The following ELAVL1 variants were observed in gnomAD, a reference collection of about 807,000 sequenced individuals.
ELAVL1 encodes the protein ELAV like RNA binding protein 1.
A neutral mutation model predicts 28.4 loss-of-function variants in ELAVL1; 1 was observed. The ratio of observed to expected loss-of-function variants is 0.04; its 90% CI spans 0.01 to 0.17. ELAVL1 has a LOEUF of 0.17. ELAVL1 is among the 10% of genes least tolerant of loss of function. ELAVL1 has a pLI of 1.00. For missense variants in ELAVL1, 157 were observed against 447.2 expected (o/e 0.35, Z 5.85); for synonymous variants, 174 against 183.5 (o/e 0.95, Z 0.42).
rs1985397031 is a variant in ELAVL1, at chr19:7,979,639, C to T, written c.276+1444G>A. Among the ~76,000 whole-genome samples, 1 of 152,188 alleles carries T rather than the reference C, an allele frequency of 6.6e-6. No homozygotes were observed. Among genetic ancestry groups the T allele is most frequent in the South Asian group, 2.1e-4 (1 of 4,830 alleles). On this transcript the variant is annotated intron_variant, in intron 3 of 5. Coordinates refer to ENST00000407627, the MANE Select transcript of ELAVL1 (RefSeq NM_001419.3). The surrounding 1 kb of genome is among the most constrained non-coding windows in gnomAD (Gnocchi z 5.4). ...AGGGCTGCCCCTGCTCAGGTGGAAT[C>T]CCATGGCGCTTGGCTGCCCTCACCA...
chr19:7,997,986 T>C (rs1472342256), intron 1 of ELAVL1, among the ~76,000 whole-genome samples: 1 of 152,048 alleles, frequency 6.6e-6, no homozygotes, highest in Admixed American at 6.6e-5. Context: ...AAATAAATTT[T>C]AAAAGGTTTA....
chr19:7,989,204 G>A (rs1449615113), intron 2 of ELAVL1, among the ~76,000 whole-genome samples: 6 of 152,176 alleles, frequency 3.9e-5, no homozygotes, highest in Non-Finnish European at 7.4e-5. Context: ...CCCTGCCAGC[G>A]AAGAGGTTTG....
intron 4 of ELAVL1, among the ~76,000 whole-genome samples, chr19:7,971,698 G>A (rs1467499255): frequency 3.3e-5 from 5 of 152,228 alleles, no homozygotes; most frequent in Non-Finnish European, 5.9e-5. Flanking sequence ...GTGCCAGGGC[G>A]CGAGTCTGTG....
rs1160261683 is a variant in ELAVL1, at chr19:7,973,560, T to A, written c.430+165A>T. 3.6e-6 allele frequency: 3 copies of A among 826,842 alleles called. No homozygotes were observed. The African/African-American group carries it at 5.2e-5, about 14-fold the overall frequency. The allele number at this position is 826,842 out of a possible 1,614,324, so 51.2% of individuals were successfully genotyped here. A position where few individuals can be genotyped will look rare whatever the true frequency, so the allele number is the denominator to read the frequency against. On this transcript the variant is annotated intron_variant, in intron 4 of 5. Transcript: ENST00000407627. The stretch of plus-strand genomic sequence containing the variant: ...CAGCTTCTTTTAATGCCATCTTACC[T>A]CCTCAGCCTCCTCAAACCAAAGCCA...
intron 2 of ELAVL1, among the ~76,000 whole-genome samples, chr19:7,990,323 T>C (rs1358911450): frequency 6.8e-6 from 1 of 147,852 alleles, no homozygotes; most frequent in African/African-American, 2.5e-5. Flanking sequence ...TGCCCAGCAT[T>C]CAACTTTTAA....
chr19:7,978,948 C>T (rs968645024), intron 3 of ELAVL1, among the ~76,000 whole-genome samples: 1 of 152,214 alleles, frequency 6.6e-6, no homozygotes, highest in Non-Finnish European at 1.5e-5. Flanking sequence ...TCACACTGCA[C>T]AGATCAGTCA....
intron 3 of ELAVL1, among the ~76,000 whole-genome samples, chr19:7,980,143 G>C (rs542180698): frequency 6.6e-6 from 1 of 152,318 alleles, no homozygotes; most frequent in South Asian, 2.1e-4. Context: ...TGGCCTTGGA[G>C]CAAGAGAGGG....
chr19:7,979,913 G>A lies in ELAVL1; in HGVS notation c.276+1170C>T, dbSNP rs1043667682. On this transcript the variant is annotated intron_variant, in intron 3 of 5. Coordinates refer to ENST00000407627, the MANE Select transcript of ELAVL1 (RefSeq NM_001419.3). This position sits in a 1 kb window ranked among gnomAD's most constrained non-coding sequence, Gnocchi z 5.4. ...TCAGGTCACAGAACCCCTCTTGGTG[G>A]GCAGGCAAAAATCCAGGCTCCCAGG... is the stretch of plus-strand genomic sequence containing the variant. Among the ~76,000 whole-genome samples, 1 of 152,164 alleles carries A rather than the reference G, an allele frequency of 6.6e-6. No individual in the cohort carries two copies. Among genetic ancestry groups the A allele is most frequent in the African/African-American group, 2.4e-5 (1 of 41,430 alleles).
chr19:8,003,946 A>C (rs2081078148), intron 1 of ELAVL1, among the ~76,000 whole-genome samples: 1 of 152,210 alleles, frequency 6.6e-6, no homozygotes, highest in South Asian at 2.1e-4. Context: ...TTATAGGAGC[A>C]GTACAATCGA....
chr19:7,998,618 C>CT (rs2081057166), intron 1 of ELAVL1, among the ~76,000 whole-genome samples: 1 of 152,134 alleles, frequency 6.6e-6, no homozygotes, highest in African/African-American at 2.4e-5. Flanking sequence ...CTAGTGTCCT[C>CT]TCCTTCACTT....
intron 2 of ELAVL1, among the ~76,000 whole-genome samples, chr19:7,989,842 T>C (rs1202038071): frequency 1.3e-5 from 2 of 152,224 alleles, no homozygotes; most frequent in Non-Finnish European, 2.9e-5. Context: ...ATTCAGTGCC[T>C]GCATCTGAAG....
intron 2 of ELAVL1, among the ~76,000 whole-genome samples, chr19:7,983,609 G>A (rs143504176): frequency 3.9e-5 from 6 of 152,202 alleles, no homozygotes; most frequent in Admixed American, 1.3e-4. Context: ...TTCTGCATCC[G>A]GGCCCCATCT....
intron 1 of ELAVL1, among the ~76,000 whole-genome samples, chr19:7,996,643 A>ATGTTG (rs2081050334): frequency 6.6e-6 from 1 of 151,860 alleles, no homozygotes; most frequent in Non-Finnish European, 1.5e-5. Context: ...CCATCTCTAC[A>ATGTTG]AAAATACAAC....
At chr19:7,987,991 T>C (rs1388619916) in intron 2 of ELAVL1, among the ~76,000 whole-genome samples, 1 of 152,102 alleles carries the variant, frequency 6.6e-6, no homozygotes, top group Non-Finnish European at 1.5e-5. Flanking sequence ...TCTGCTGCAG[T>C]GAGGACAGTG....
intron 1 of ELAVL1, among the ~76,000 whole-genome samples, chr19:8,004,547 T>C (rs940195429): frequency 6.6e-6 from 1 of 152,114 alleles, no homozygotes; most frequent in African/African-American, 2.4e-5. Context: ...CTCAACTTCC[T>C]ACATTGCACA....
rs576260720 is a variant in ELAVL1 at position 8,004,953 on chromosome 19, G to C, written c.-17+542C>G. The stretch of plus-strand genomic sequence containing the variant: ...CACAAACAGCTTTGTTAGAGATGGC[G>C]CTCAAAAAAAGATGCAGTTTAGATT... On this transcript the variant is annotated intron_variant, in intron 1 of 5. Transcript: ENST00000407627. Among the ~76,000 whole-genome samples, 89 of 151,880 alleles carry C rather than the reference G, an allele frequency of 5.9e-4. 1 individual carries two copies. Among genetic ancestry groups the C allele is most frequent in the African/African-American group, 1.9e-3 (78 of 41,434 alleles).
Position 7,981,968 on chromosome 19 carries a change from C to A in ELAVL1, c.173-782G>T, listed in dbSNP as rs994246298. On this transcript the variant is annotated intron_variant, in intron 2 of 5. Coordinates refer to ENST00000407627, the MANE Select transcript of ELAVL1 (RefSeq NM_001419.3). The surrounding 1 kb of genome is among the most constrained non-coding windows in gnomAD (Gnocchi z 4.2). ...TCCAAGCCTGAGACCAGCCCGACCC[C>A]GCTGTGGGGCAGAAGAGTCCAGGGA... 6.6e-6 allele frequency among the ~76,000 whole-genome samples: 1 copy of A among 152,190 alleles called. No individual in the cohort carries two copies. The highest frequency in any genetic ancestry group is 1.9e-4 in the East Asian group (1 of 5,184).
chr19:7,972,872 C>T (rs934607790), intron 4 of ELAVL1: 3 of 124,200 alleles, frequency 2.4e-5, no homozygotes, highest in Non-Finnish European at 1.6e-5. Context: ...AGTTCAGTGG[C>T]GCAATCTCGG....
At chr19:7,977,018 C>T (rs1471979418) in intron 3 of ELAVL1, among the ~76,000 whole-genome samples, 1 of 152,058 alleles carries the variant, frequency 6.6e-6, no homozygotes, top group Non-Finnish European at 1.5e-5. Flanking sequence ...TTTAACTTTG[C>T]AAACAGACTC....
Sources: gnomAD v4.1 joint callset for allele counts (sites outside exome capture counted in the v4.1 genomes callset) on GRCh38, gnomAD v4.1.1 for gene constraint, Gnocchi (gnomAD v3.1) non-coding constraint, MANE v1.5 for transcripts, NCBI Gene and HGNC (gene_info 2026-07-23, HGNC 2026-07-21) for gene names.